Variants in PLEKHA6 observed in about 807,000 individuals in gnomAD.
PLEKHA6 encodes the protein pleckstrin homology domain containing A6.
In PLEKHA6, 60 loss-of-function variants were observed where a neutral mutation model predicts 116.7. The ratio of observed to expected loss-of-function variants is 0.51; its 90% CI spans 0.42 to 0.64. The LOEUF (loss-of-function observed/expected upper bound fraction) is 0.64. Among genes scored for constraint, PLEKHA6 ranks in the 30% least tolerant of loss-of-function variants. PLEKHA6 has a pLI of 0.00. For synonymous variants in PLEKHA6, 489 were observed against 556.1 expected (o/e 0.88, Z 1.70); for missense variants, 1,338 against 1,422.7 (o/e 0.94, Z 0.96).
intron 1 of PLEKHA6, among the ~76,000 whole-genome samples, chr1:204,348,974 C>T (rs948988702): frequency 1.7e-4 from 26 of 152,304 alleles, no homozygotes; most frequent in Admixed American, 7.8e-4. Flanking sequence ...AACAGCTTGT[C>T]GGGAGGGGTT....
At chr1:204,297,733 C>T (rs943862748) in intron 1 of PLEKHA6, 3 of 219,424 alleles carry the variant, frequency 1.4e-5, no homozygotes. Flanking sequence ...TTGTCTCAAC[C>T]CCCCAGCTTG....
chr1:204,241,844 T>C, intron 15 of PLEKHA6, 30 bp from the exon 16 acceptor site: 1 of 1,613,352 alleles, frequency 6.2e-7, no homozygotes, highest in Non-Finnish European at 8.5e-7. Flanking sequence ...AGATGGTTGA[T>C]GTTAGTATGG....
chr1:204,271,189 C>T (rs4951344), intron 3 of PLEKHA6, among the ~76,000 whole-genome samples: 107,169 of 152,096 alleles, frequency 0.7, 37,975 homozygotes, highest in East Asian at 0.82. Context: ...CCAAGACAAT[C>T]TTTCTTCTTC....
chr1:204,353,239 A>G lies in PLEKHA6; in HGVS notation c.-95+6455T>C, dbSNP rs1161345817. Among the ~76,000 whole-genome samples the G allele has an allele frequency of 2.0e-5, 3 of 152,222 alleles. No homozygotes were observed. The East Asian group carries it at 5.8e-4, about 29-fold the overall frequency. ...AGATACAAATAAGACAAATCAGGCC[A>G]TCTCTTGCCTTGAAGAAGTACAGTG... On this transcript the variant is annotated intron_variant, in intron 1 of 22. Transcript: ENST00000272203.
At position 204,228,329 on chromosome 1, in the gene PLEKHA6, C is replaced by G. The variant is rs1005100204; in HGVS notation, c.2886-101G>C. 2.6e-6 allele frequency: 3 copies of G among 1,174,872 alleles called. No homozygotes were observed. Among genetic ancestry groups the G allele is most frequent in the Non-Finnish European group, 3.6e-6 (3 of 825,740 alleles). 72.8% of individuals were successfully genotyped at this position (1,174,872 alleles called of 1,614,324 possible). A position where few individuals can be genotyped will look rare whatever the true frequency, so the allele number is the denominator to read the frequency against. On this transcript the variant is annotated intron_variant, in intron 20 of 22. Transcript: ENST00000272203. The surrounding 1 kb of genome is among the most constrained non-coding windows in gnomAD (Gnocchi z 4.0). The stretch of plus-strand genomic sequence containing the variant: ...AGGTTGGCAGGGAGGGCCAGGGCCC[C>G]GTGAATGTGCAGTCTCTGGTTCCCA...
At chr1:204,284,127 C>T (rs1434440301) in intron 1 of PLEKHA6, among the ~76,000 whole-genome samples, 5 of 152,220 alleles carry the variant, frequency 3.3e-5, no homozygotes, top group African/African-American at 1.2e-4. Flanking sequence ...CTGTCCCTCC[C>T]CTCCCTACTG....
Position 204,259,414 on chromosome 1 carries a change from G to T in PLEKHA6, c.851C>A (p.Ala284Asp). The change falls in exon 8 of 23, where the codon GCT (alanine) becomes GAT (aspartate). Residue 284 changes from alanine (A) to aspartate (D), a missense_variant. Transcript: ENST00000272203. This position sits in a 1 kb window ranked among gnomAD's most constrained non-coding sequence, Gnocchi z 4.6. ...AGTCTCTCCATCCTGAGACGGGAAAGCTGTGCTCCCTGGCCGGCTTGGGGA... is the reference window on the plus strand; with the variant it reads ...AGTCTCTCCATCCTGAGACGGGAAATCTGTGCTCCCTGGCCGGCTTGGGGA... ...YHSPSRPGST[A>D]FPSQDGETGG... is the part of the protein sequence containing the mutation. 1 of 1,614,258 alleles carries T rather than the reference G, an allele frequency of 6.2e-7. No homozygotes were observed. The highest frequency in any genetic ancestry group is 1.1e-5 in the South Asian group (1 of 91,088).
rs1050034057 is a variant in PLEKHA6 at position 204,261,464 on chromosome 1, G to A, written c.382-16C>T. 19 of 1,595,620 alleles carry A rather than the reference G, an allele frequency of 1.2e-5. No individual in the cohort carries two copies. The highest frequency in any genetic ancestry group is 1.6e-5 in the Non-Finnish European group (19 of 1,169,444). On this transcript the variant is annotated splice_polypyrimidine_tract_variant and intron_variant, in intron 6 of 22. Transcript: ENST00000272203. This position sits in a 1 kb window ranked among gnomAD's most constrained non-coding sequence, Gnocchi z 4.0. ...CATGCTCAGCCTGTGGGGAGAGGCA[G>A]CGTGTGGAGCTGGCCTCGGCCTCAT...
intron 1 of PLEKHA6, among the ~76,000 whole-genome samples, chr1:204,306,197 T>G (rs1371908359): frequency 1.3e-5 from 2 of 152,044 alleles, no homozygotes; most frequent in African/African-American, 4.8e-5. Context: ...TCTGTCCCAT[T>G]GAGTCTGGGC....
intron 1 of PLEKHA6, among the ~76,000 whole-genome samples, chr1:204,375,294 C>T (rs1430126843): frequency 2.0e-5 from 3 of 152,138 alleles, no homozygotes; most frequent in Non-Finnish European, 2.9e-5. Flanking sequence ...GAATGTCCCC[C>T]GGGAACCTCA....
At chr1:204,245,528 G>A in intron 14 of PLEKHA6, 87 bp downstream of exon 14, 1 of 783,048 alleles carries the variant, frequency 1.3e-6, no homozygotes, top group African/African-American at 1.7e-5. Context: ...CACAGTGTGA[G>A]CTGGCAGGAG....
intron 9 of PLEKHA6, chr1:204,251,517 G>A (rs1335450177): frequency 2.8e-6 from 2 of 702,718 alleles, no homozygotes; most frequent in South Asian, 1.5e-5. Context: ...CATGCTGCCA[G>A]GCAGAGGTCT....
chr1:204,370,066 G>A (rs998902753), intron 2 of PLEKHA6, among the ~76,000 whole-genome samples: 5 of 152,236 alleles, frequency 3.3e-5, no homozygotes, highest in African/African-American at 1.2e-4. Context: ...CACACTGGAA[G>A]CAATAGAACC....
intron 1 of PLEKHA6, among the ~76,000 whole-genome samples, chr1:204,278,240 T>A (rs1447583711): frequency 6.6e-6 from 1 of 152,220 alleles, no homozygotes; most frequent in Non-Finnish European, 1.5e-5. Flanking sequence ...TGTTCTCCAA[T>A]CAATCCTCAT....
intron 1 of PLEKHA6, among the ~76,000 whole-genome samples, chr1:204,336,563 CGTGTGTGTGTGTGTGT>C (rs10538125): frequency 6.7e-6 from 1 of 148,924 alleles, no homozygotes; most frequent in South Asian, 2.1e-4. Flanking sequence ...GGTGTGTGAG[CGTGTGTGTGTGTGTGT>C]GTGTGTGTGC....
At chr1:204,273,207 T>C (rs1032786668) in intron 3 of PLEKHA6, among the ~76,000 whole-genome samples, 35 of 152,184 alleles carry the variant, frequency 2.3e-4, no homozygotes, top group African/African-American at 7.5e-4. Context: ...AGACCAGTGG[T>C]TCTCAATGAG....
At chr1:204,351,142 G>A (rs892672020) in intron 1 of PLEKHA6, among the ~76,000 whole-genome samples, 1 of 152,194 alleles carries the variant, frequency 6.6e-6, no homozygotes, top group Non-Finnish European at 1.5e-5. Flanking sequence ...GACCAGCCGG[G>A]CTACCGAGCA....
intron 6 of PLEKHA6, 102 bp downstream of exon 6, chr1:204,264,840 G>T: frequency 2.3e-6 from 2 of 870,458 alleles, no homozygotes; most frequent in Non-Finnish European, 3.9e-6. Flanking sequence ...CACCACCTGG[G>T]ATTCCTTAGA....
intron 1 of PLEKHA6, chr1:204,297,149 C>A (rs1254757175): frequency 1.0e-6 from 1 of 980,704 alleles, no homozygotes; most frequent in African/African-American, 1.8e-5. Flanking sequence ...AAGTCACTAA[C>A]TAACATATCC....
Sources: gnomAD v4.1 joint callset for allele counts (sites outside exome capture counted in the v4.1 genomes callset) on GRCh38, gnomAD v4.1.1 for gene constraint, Gnocchi (gnomAD v3.1) non-coding constraint, MANE v1.5 for transcripts, NCBI Gene and HGNC (gene_info 2026-07-23, HGNC 2026-07-21) for gene names.